SLX4IP: variants seen among roughly 807,000 people sequenced by gnomAD.
SLX4IP encodes the protein protein SLX4IP.
A neutral mutation model predicts 32.9 loss-of-function variants in SLX4IP; 34 were observed. The observed-to-expected ratio is 1.03, with a 90% CI of 0.79 to 1.38. The LOEUF (loss-of-function observed/expected upper bound fraction) is 1.38. SLX4IP is among the 40% of genes most tolerant of loss of function. SLX4IP has a pLI of 0.00. For missense variants in SLX4IP, 444 were observed against 479.0 expected (o/e 0.93, Z 0.68); for synonymous variants, 172 against 171.7 (o/e 1.00, Z -0.01).
At chr20:10,570,862 C>G (rs2066455983) in intron 4 of SLX4IP, among the ~76,000 whole-genome samples, 1 of 152,166 alleles carries the variant, frequency 6.6e-6, no homozygotes, top group African/African-American at 2.4e-5. Flanking sequence ...CAGGGTCTTG[C>G]TCTGTTGCCC....
chr20:10,500,037 A>G (rs2065702133), intron 2 of SLX4IP, among the ~76,000 whole-genome samples: 1 of 152,072 alleles, frequency 6.6e-6, no homozygotes, highest in African/African-American at 2.4e-5. Flanking sequence ...AAGATTATGT[A>G]GAACCCTGTC....
intron 3 of SLX4IP, 104 bp from the exon 4 acceptor site, chr20:10,560,596 A>T (rs1601003142): frequency 6.4e-6 from 6 of 937,276 alleles, no homozygotes; most frequent in African/African-American, 1.7e-5. Flanking sequence ...CAGCTAAATT[A>T]AAAAGCAAAA....
At position 10,598,750 on chromosome 20, in the gene SLX4IP, C is replaced by T. The variant is rs140984471; in HGVS notation, c.314C>T (p.Ala105Val). The change falls in exon 5 of 8, where the codon GCT becomes GTT. Residue 105 changes from alanine to valine, a missense_variant and splice_region_variant. Ala to Val is a moderately conservative substitution (Grantham distance 64). Coordinates refer to ENST00000334534, the MANE Select transcript of SLX4IP (RefSeq NM_001009608.3). ...RLRCIRSTQN[A>V]ELCVFPDRFV... The stretch of plus-strand genomic sequence containing the variant: ...CGCTGCATCAGGAGCACACAGAATG[C>T]TGGTAAGAAGCCGATTTCTTGGTTT... 7.8e-3 allele frequency: 12,625 copies of T among 1,613,866 alleles called. 69 individuals carry two copies. Among genetic ancestry groups the T allele is most frequent in the Non-Finnish European group, 9.6e-3 (11,293 of 1,179,780 alleles).
At chr20:10,585,878 A>G (rs1184256072) in intron 4 of SLX4IP, among the ~76,000 whole-genome samples, 1 of 152,152 alleles carries the variant, frequency 6.6e-6, no homozygotes, top group Admixed American at 6.5e-5. Context: ...GGCATGAGCC[A>G]CCGTGCCCAG....
At chr20:10,620,394 G>A (rs1352421129) in intron 6 of SLX4IP, among the ~76,000 whole-genome samples, 2 of 152,130 alleles carry the variant, frequency 1.3e-5, no homozygotes, top group Non-Finnish European at 2.9e-5. Context: ...AACACAAAAG[G>A]CTAGATAGGC....
At chr20:10,556,417 A>T in intron 3 of SLX4IP, 97 bp downstream of exon 3, 1 of 1,198,204 alleles carries the variant, frequency 8.3e-7, no homozygotes, top group Non-Finnish European at 1.2e-6. Context: ...GTGGGAAAAA[A>T]ATGTTGCGTA....
intron 2 of SLX4IP, among the ~76,000 whole-genome samples, chr20:10,494,185 T>C (rs1316479928): frequency 8.6e-5 from 13 of 151,920 alleles, no homozygotes; most frequent in Admixed American, 6.6e-4. Flanking sequence ...GTTGACTTTG[T>C]TACTAATCTC....
chr20:10,607,907 C>CCAG (rs2066922429), intron 6 of SLX4IP, among the ~76,000 whole-genome samples: 1 of 152,142 alleles, frequency 6.6e-6, no homozygotes. Context: ...AAATGTTTAG[C>CCAG]CAGTATTTGT....
At chr20:10,560,874 G>A (rs1214368651) in intron 4 of SLX4IP, 54 bp downstream of exon 4, 16 of 1,480,154 alleles carry the variant, frequency 1.1e-5, no homozygotes, top group Admixed American at 9.3e-5. Context: ...TTTCTGCTCC[G>A]TAGAGATGGC....
intron 3 of SLX4IP, among the ~76,000 whole-genome samples, chr20:10,558,115 G>A (rs942328393): frequency 2.0e-5 from 3 of 152,120 alleles, no homozygotes; most frequent in Non-Finnish European, 2.9e-5. Flanking sequence ...CAAGGCAGGC[G>A]GATTGCCTGA....
At chr20:10,444,213 C>CCTCAGGATAACCCTTTCTTTGGGGTG (rs2065182317) in intron 1 of SLX4IP, among the ~76,000 whole-genome samples, 3 of 47,394 alleles carry the variant, frequency 6.3e-5, no homozygotes, top group Admixed American at 2.4e-4. Flanking sequence ...TTGTAGGGGT[C>CCTCAGGATAACCCTTTCTTTGGGGTG]TGGAGCTGCT....
At chr20:10,598,580 T>A in intron 4 of SLX4IP, 95 bp from the exon 5 acceptor site, 1 of 1,129,370 alleles carries the variant, frequency 8.9e-7, no homozygotes, top group Non-Finnish European at 1.3e-6. Context: ...GCTAAATAAC[T>A]ATTGAATGTG....
intron 2 of SLX4IP, among the ~76,000 whole-genome samples, chr20:10,459,437 A>C (rs983994658): frequency 3.5e-4 from 54 of 152,170 alleles, no homozygotes; most frequent in African/African-American, 1.2e-3. Flanking sequence ...GACAATTTTA[A>C]GTAGGCATAT....
chr20:10,464,784 T>C (rs542123240), intron 2 of SLX4IP, among the ~76,000 whole-genome samples: 1 of 150,472 alleles, frequency 6.6e-6, no homozygotes, highest in African/African-American at 2.4e-5. Flanking sequence ...TTTTTTTTTG[T>C]TTTTAAGGGC....
chr20:10,481,261 A>G (rs919924383), intron 2 of SLX4IP, among the ~76,000 whole-genome samples: 1 of 152,188 alleles, frequency 6.6e-6, no homozygotes, highest in Non-Finnish European at 1.5e-5. Context: ...AAATCACTCT[A>G]TTGAAAAGAT....
intron 1 of SLX4IP, among the ~76,000 whole-genome samples, chr20:10,452,270 C>T (rs530781798): frequency 2.0e-5 from 3 of 151,738 alleles, no homozygotes; most frequent in East Asian, 3.9e-4. Context: ...GTGGCTCCCA[C>T]GTATAATCCC....
chr20:10,619,644 G>T (rs1365673575), intron 6 of SLX4IP, among the ~76,000 whole-genome samples: 2 of 152,142 alleles, frequency 1.3e-5, no homozygotes, highest in African/African-American at 4.8e-5. Flanking sequence ...CCACAGAGTT[G>T]TTCAAAGCCT....
rs1423103775 is a variant in SLX4IP at position 10,615,895 on chromosome 20, T to G, written c.406-5419T>G. 2.6e-5 allele frequency among the ~76,000 whole-genome samples: 4 copies of G among 152,182 alleles called. No homozygotes were observed. In the South Asian group the frequency reaches 8.3e-4, roughly 32 times the overall value. ...CAACTCCTTCCTTCAGGCCCTTTTA[T>G]AAAAACACCTAATCCCATTCATGAG... On this transcript the variant is annotated intron_variant, in intron 6 of 7. Transcript: ENST00000334534.
At chr20:10,465,023 A>G (rs1890224096) in intron 2 of SLX4IP, among the ~76,000 whole-genome samples, 2 of 152,178 alleles carry the variant, frequency 1.3e-5, no homozygotes, top group African/African-American at 2.4e-5. Flanking sequence ...GCAGTAGTGC[A>G]TGAGATGTAG....
Sources: gnomAD v4.1 joint callset for allele counts (sites outside exome capture counted in the v4.1 genomes callset) on GRCh38, gnomAD v4.1.1 for gene constraint, MANE v1.5 for transcripts, NCBI Gene and HGNC (gene_info 2026-07-23, HGNC 2026-07-21) for gene names.